Variants in DOP1A observed in about 807,000 individuals in gnomAD.
DOP1A encodes DOP1 leucine zipper like protein A, also known as protein DOP1A.
DOP1A carries 90 observed loss-of-function variants against 267.6 expected under a neutral mutation model. That is an observed-to-expected ratio of 0.34 (90% CI 0.28 to 0.40). The LOEUF is 0.40. Ranked by LOEUF, DOP1A falls within the 10% of genes least tolerant of loss-of-function variation. The pLI is 1.00. For synonymous variants in DOP1A, 932 were observed against 999.1 expected (o/e 0.93, Z 1.27); for missense variants, 2,437 against 2,900.4 (o/e 0.84, Z 3.67).
chr6:83,091,223 A>T lies in DOP1A; in HGVS notation c.-146-5508A>T, dbSNP rs182229141. Among the ~76,000 whole-genome samples, 3 of 152,164 alleles carry T rather than the reference A, an allele frequency of 2.0e-5. No individual in the cohort carries two copies. The East Asian group carries it at 5.8e-4, about 29-fold the overall frequency. ...TGCCCCCATGATCCAGTTACCTCCC[A>T]CCAGGTCCCTCCCACAGCACATGGG... On this transcript the variant is annotated intron_variant, in intron 1 of 38. Coordinates refer to ENST00000349129, the MANE Select transcript of DOP1A (RefSeq NM_015018.4).
intron 1 of DOP1A, among the ~76,000 whole-genome samples, chr6:83,082,579 G>A (rs2182232): frequency 0.91 from 137,794 of 152,198 alleles, 62,393 homozygotes; most frequent in East Asian, 0.96. Context: ...TAAGTTCAAG[G>A]AATCTGTTGT....
At chr6:83,132,151 T>C in intron 17 of DOP1A, 25 bp from the exon 18 acceptor site, 4 of 1,595,534 alleles carry the variant, frequency 2.5e-6, no homozygotes, top group Non-Finnish European at 3.4e-6. Flanking sequence ...GTATTGTGAC[T>C]GTCACTTTTA....
At chr6:83,167,483 G>C in intron 38 of DOP1A, 1 of 996,994 alleles carries the variant, frequency 1.0e-6, no homozygotes, top group Non-Finnish European at 1.2e-6. Context: ...CCTTTTTTCT[G>C]TAGTAATTTT....
In DOP1A at chr6:83,129,269, A is replaced by G; in HGVS notation, c.2102A>G (p.Gln701Arg). The G allele has an allele frequency of 6.2e-7, 1 of 1,611,796 alleles. No individual in the cohort carries two copies. The highest frequency in any genetic ancestry group is 8.5e-7 in the Non-Finnish European group (1 of 1,179,164). Residue 701 changes from glutamine (Q) to arginine (R), a missense_variant, in exon 16 of 39, where the codon CAG becomes CGG. Around this residue, in one of 9 missense-constraint regions of DOP1A, gnomAD observed 498 missense variants for 513.5 expected, o/e 0.97. Transcript: ENST00000349129. ...LYIIQNNSFSQSLATEHQGDL... is the reference protein window; with the variant it reads ...LYIIQNNSFSRSLATEHQGDL... Reference sequence around the variant, plus strand: ...ATCATTCAGAATAACTCTTTTTCTCAGTCTTTGGCTACAGAACATCAAGGG... The same window carrying G: ...ATCATTCAGAATAACTCTTTTTCTCGGTCTTTGGCTACAGAACATCAAGGG...
chr6:83,083,948 A>G (rs1011233278), intron 1 of DOP1A, among the ~76,000 whole-genome samples: 4 of 152,250 alleles, frequency 2.6e-5, no homozygotes, highest in Admixed American at 2.6e-4. Flanking sequence ...CTGATTTTAT[A>G]GCATTCAGAG....
At chr6:83,095,193 A>G (rs990393668) in intron 1 of DOP1A, among the ~76,000 whole-genome samples, 6 of 152,296 alleles carry the variant, frequency 3.9e-5, no homozygotes, top group African/African-American at 2.4e-5. Context: ...TCGGCCTCCT[A>G]AAGTGCTAGG....
chr6:83,129,197 G>T lies in DOP1A; in HGVS notation c.2030G>T (p.Cys677Phe), dbSNP rs146322284. 1.2e-6 allele frequency: 2 copies of T among 1,613,106 alleles called. No homozygotes were observed. The highest frequency in any genetic ancestry group is 1.3e-5 in the African/African-American group (1 of 74,894). ...KTAQKTAMQC[C>F]LEYVQQFLTR... Reference sequence around the variant, plus strand: ...GCCCAAAAGACTGCAATGCAGTGCTGCTTGGAGTATGTCCAACAGTTTCTT... The same window carrying T: ...GCCCAAAAGACTGCAATGCAGTGCTTCTTGGAGTATGTCCAACAGTTTCTT... Residue 677 changes from cysteine to phenylalanine, a missense_variant, in exon 16 of 39, where the codon TGC (cysteine) becomes TTC (phenylalanine). Cys to Phe is a radical substitution (Grantham distance 205). Coordinates refer to ENST00000349129, the MANE Select transcript of DOP1A (RefSeq NM_015018.4).
intron 1 of DOP1A, among the ~76,000 whole-genome samples, chr6:83,068,627 A>G (rs182060347): frequency 5.3e-4 from 81 of 152,358 alleles, no homozygotes; most frequent in Admixed American, 5.3e-3. Context: ...CCTGAACTGT[A>G]GAGAGAGAAA....
intron 7 of DOP1A, among the ~76,000 whole-genome samples, chr6:83,115,576 T>C (rs1775291098): frequency 6.6e-6 from 1 of 151,986 alleles, no homozygotes; most frequent in Non-Finnish European, 1.5e-5. Context: ...CAAAAAAAAT[T>C]AGCAGGGCAT....
At chr6:83,129,821 T>A (rs1777747241) in intron 16 of DOP1A, among the ~76,000 whole-genome samples, 1 of 152,214 alleles carries the variant, frequency 6.6e-6, no homozygotes. Context: ...ACCTTTATTT[T>A]GATTTTTATA....
chr6:83,168,996 G>A, downstream of DOP1A: 1 of 1,303,236 alleles, frequency 7.7e-7, no homozygotes, highest in South Asian at 2.0e-5. Context: ...GTATACTTAA[G>A]TCCCAGTATT....
At chr6:83,091,676 C>T (rs1398380121) in intron 1 of DOP1A, among the ~76,000 whole-genome samples, 4 of 151,972 alleles carry the variant, frequency 2.6e-5, no homozygotes, top group Non-Finnish European at 4.4e-5. Context: ...GATAAATGAC[C>T]CCTATTTTCA....
At chr6:83,073,717 T>A (rs756034656) in intron 1 of DOP1A, among the ~76,000 whole-genome samples, 6 of 152,232 alleles carry the variant, frequency 3.9e-5, no homozygotes, top group Non-Finnish European at 7.3e-5. Flanking sequence ...GAGTTTCTTA[T>A]GAGGTTGCAG....
At chr6:83,121,703 C>T (rs1776409273) in intron 10 of DOP1A, among the ~76,000 whole-genome samples, 1 of 151,752 alleles carries the variant, frequency 6.6e-6, no homozygotes, top group South Asian at 2.1e-4. Flanking sequence ...ACCAATTTCT[C>T]TGATTCTGTA....
intron 1 of DOP1A, among the ~76,000 whole-genome samples, chr6:83,074,820 C>T (rs1293568955): frequency 2.0e-5 from 3 of 152,160 alleles, no homozygotes; most frequent in African/African-American, 7.2e-5. Context: ...TCCATAATCC[C>T]AACACTTTGG....
intron 1 of DOP1A, among the ~76,000 whole-genome samples, chr6:83,086,982 A>T (rs2128070562): frequency 6.6e-6 from 1 of 152,288 alleles, no homozygotes; most frequent in Middle Eastern, 3.4e-3. Context: ...TAGACAGGAA[A>T]AGAAACTGAT....
chr6:83,133,659 A>G (rs991196249), intron 18 of DOP1A, among the ~76,000 whole-genome samples: 3 of 152,048 alleles, frequency 2.0e-5, no homozygotes, highest in Non-Finnish European at 4.4e-5. Context: ...TCTTTTTCCA[A>G]ATAATCTCAA....
rs759424852 is a variant in DOP1A, at chr6:83,128,929, G to A, written c.1762G>A (p.Asp588Asn). Residue 588 changes from aspartate (D) to asparagine (N), a missense_variant, in exon 16 of 39, where the codon GAT becomes AAT. Asp to Asn is a conservative substitution (Grantham distance 23). Around this residue, in one of 9 missense-constraint regions of DOP1A, gnomAD observed 498 missense variants for 513.5 expected, o/e 0.97. Coordinates refer to ENST00000349129, the MANE Select transcript of DOP1A (RefSeq NM_015018.4). The part of the protein sequence containing the change: ...SHENPTEVFE[D>N]GENPPSSRSS... ...TGAAAATCCTACTGAAGTGTTTGAA[G>A]ATGGAGAAAATCCACCAAGTAGTCG... The A allele has an allele frequency of 1.4e-5, 22 of 1,553,796 alleles. No homozygotes were observed. In the African/African-American group the frequency reaches 2.3e-4, roughly 16 times the overall value.
intron 27 of DOP1A, among the ~76,000 whole-genome samples, chr6:83,151,263 T>G (rs1781613076): frequency 6.6e-6 from 1 of 152,200 alleles, no homozygotes; most frequent in Non-Finnish European, 1.5e-5. Context: ...CAAGCAATTC[T>G]CCTGCCTTAG....
Sources: allele counts gnomAD v4.1 joint callset (sites outside exome capture counted in the v4.1 genomes callset), GRCh38; gene constraint gnomAD v4.1.1; regional missense constraint gnomAD v4.1.1; transcripts MANE v1.5; gene names NCBI Gene and HGNC (gene_info 2026-07-23, HGNC 2026-07-21).